The following DAZL variants were observed in gnomAD, a reference collection of about 807,000 sequenced individuals.
The protein encoded by DAZL is deleted in azoospermia like, also known as deleted in azoospermia-like.
Under a neutral mutation model 45.0 loss-of-function variants are expected in DAZL, and 4 were observed. The observed-to-expected ratio is 0.09, with a 90% confidence interval of 0.04 to 0.20. The LOEUF (loss-of-function observed/expected upper bound fraction) is 0.20, where lower values mean the gene tolerates loss of function less well. Ranked by LOEUF, DAZL falls within the 10% of genes least tolerant of loss-of-function variation. DAZL has a pLI of 1.00. For synonymous variants in DAZL, 122 were observed against 112.4 expected, an observed-to-expected ratio of 1.09 and a Z score of -0.54; for missense variants, 326 against 351.3, an observed-to-expected ratio of 0.93 and a Z score of 0.58.
intron 9 of DAZL, 52 bp downstream of exon 9, chr3:16,593,596 CATTATTA>C: frequency 9.1e-7 from 1 of 1,104,480 alleles, no homozygotes; most frequent in Non-Finnish European, 1.3e-6. Context: ...CTCAAAAAAC[CATTATTA>C]AAACTAGAAA....
chr3:16,603,812 C>T (rs1694731411), intron 1 of DAZL, among the ~76,000 whole-genome samples: 1 of 152,106 alleles, frequency 6.6e-6, no homozygotes, highest in Non-Finnish European at 1.5e-5. Context: ...CACGGTGTAA[C>T]TCTTGTAAAA....
Position 16,605,192 on chromosome 3 carries a change from C to A in DAZL, c.3+11G>T. The A allele has an allele frequency of 6.2e-7, 1 of 1,614,196 alleles. No homozygotes were observed. The highest frequency in any genetic ancestry group is 1.1e-5 in the South Asian group (1 of 91,092). On this transcript the variant is annotated intron_variant, in intron 1 of 10. Coordinates refer to ENST00000399444, the MANE Select transcript of DAZL (RefSeq NM_001351.4). The stretch of plus-strand genomic sequence containing the variant: ...GCCAGCCTTGCCCCTCGGGCCTCTC[C>A]CTCAACTCACCATGATGGCGGCAGG...
intron 1 of DAZL, among the ~76,000 whole-genome samples, chr3:16,599,934 T>C (rs1294098969): frequency 6.6e-6 from 1 of 152,192 alleles, no homozygotes; most frequent in East Asian, 1.9e-4. Context: ...TGTGAATTCA[T>C]TTTGTAAAGT....
chr3:16,588,698 G>T lies in DAZL; in HGVS notation c.850C>A (p.His284Asn). 1 of 1,611,466 alleles carries T rather than the reference G, an allele frequency of 6.2e-7. No individual in the cohort carries two copies. The highest frequency in any genetic ancestry group is 1.1e-5 in the South Asian group (1 of 90,994). Residue 284 changes from histidine to asparagine, a missense_variant, in exon 11 of 11, where the codon CAC becomes AAC. This residue lies in a region of DAZL where 227 missense variants were observed against 216.6 expected (regional missense o/e 1.05). Coordinates refer to ENST00000399444, the MANE Select transcript of DAZL (RefSeq NM_001351.4). ...DDYFKDKRVH[H>N]FRRSRAMLKS... ...AGCATTGCCCGACTTCTTCTAAAGT[G>T]ATGCACTCTTTTATCCTGGAAAAGA...
intron 8 of DAZL, among the ~76,000 whole-genome samples, chr3:16,594,043 TATTATATCCTTCAA>T (rs1192621303): frequency 6.6e-6 from 1 of 152,206 alleles, no homozygotes; most frequent in African/African-American, 2.4e-5. Flanking sequence ...TTTTAACACT[TATTATATCCTTCAA>T]ATTTCCAATC....
In DAZL at chr3:16,595,370, G is replaced by A; in HGVS notation, c.514C>T (p.Pro172Ser). 1 of 1,578,100 alleles carries A rather than the reference G, an allele frequency of 6.3e-7. No homozygotes were observed. Among genetic ancestry groups the A allele is most frequent in the Non-Finnish European group, 8.6e-7 (1 of 1,156,074 alleles). ...TQYVQAYPTYPNSPVQVITGY... is the reference protein window; with the variant it reads ...TQYVQAYPTYSNSPVQVITGY... The stretch of plus-strand genomic sequence containing the variant: ...GTGATGACCTGAACTGGTGAATTTG[G>A]GTAAGTAGGATATGCCTGAAAATCA... Residue 172 changes from proline to serine, a missense_variant, in exon 7 of 11, where the codon CCA (proline) becomes TCA (serine). Around this residue, in one of 3 missense-constraint regions of DAZL, gnomAD observed 227 missense variants for 216.6 expected, o/e 1.05. Transcript: ENST00000399444.
chr3:16,602,263 T>A (rs1341697040), intron 1 of DAZL, among the ~76,000 whole-genome samples: 2 of 152,138 alleles, frequency 1.3e-5, no homozygotes, highest in Non-Finnish European at 2.9e-5. Flanking sequence ...ATAAACTCTA[T>A]AGAAATAAAT....
chr3:16,604,925 G>A, intron 1 of DAZL: 5 of 673,480 alleles, frequency 7.4e-6, no homozygotes, highest in East Asian at 5.5e-5. Flanking sequence ...GCCTCAAGAA[G>A]GCCGTGGCCC....
chr3:16,600,302 T>C (rs1467003881), intron 1 of DAZL, among the ~76,000 whole-genome samples: 1 of 152,216 alleles, frequency 6.6e-6, no homozygotes, highest in Admixed American at 6.5e-5. Flanking sequence ...AATTAGATGC[T>C]AGAAGTTACT....
intron 3 of DAZL, 60 bp from the exon 4 acceptor site, chr3:16,597,601 TCTA>T (rs1321258715): frequency 1.1e-5 from 11 of 1,022,464 alleles, no homozygotes; most frequent in Non-Finnish European, 1.6e-5. Context: ...GTTCAGAACT[TCTA>T]CTATATACGG....
At chr3:16,604,334 T>G in intron 1 of DAZL, 6 of 1,058,098 alleles carry the variant, frequency 5.7e-6, no homozygotes, top group Non-Finnish European at 8.3e-6. Flanking sequence ...CAACGCTATC[T>G]ACCAAATGGA....
chr3:16,602,361 C>G (rs755324404), intron 1 of DAZL, among the ~76,000 whole-genome samples: 1 of 152,082 alleles, frequency 6.6e-6, no homozygotes, highest in African/African-American at 2.4e-5. Context: ...ATACCTGGCT[C>G]AGTTTCCGTG....
Position 16,596,834 on chromosome 3 carries a change from C to T in DAZL, c.414G>A (p.Gln138=). The part of the protein sequence containing the change: ...PLVFNHPPPP[Q]FQNVWTNPNT... ...TTGGATTAGTCCAGACATTCTGAAA[C>T]TGTGGTGGAGGAGGATGATTAAAAA... The change falls in exon 6 of 11, where the codon CAG becomes CAA. Residue 138 remains glutamine (Q), a synonymous_variant. Transcript: ENST00000399444. The T allele has an allele frequency of 5.6e-6, 9 of 1,613,858 alleles. No homozygotes were observed. Among genetic ancestry groups the T allele is most frequent in the Non-Finnish European group, 7.6e-6 (9 of 1,179,788 alleles).
chr3:16,597,600 T>A, intron 3 of DAZL, 59 bp from the exon 4 acceptor site: 2 of 1,019,300 alleles, frequency 2.0e-6, no homozygotes, highest in Admixed American at 3.4e-5. Flanking sequence ...GGTTCAGAAC[T>A]TCTACTATAT....
intron 1 of DAZL, 117 bp downstream of exon 1, chr3:16,605,086 G>A (rs924875785): frequency 9.0e-5 from 119 of 1,324,740 alleles, no homozygotes; most frequent in Admixed American, 4.7e-4. Flanking sequence ...GTCCAGGCAG[G>A]TGCCCCCCAA....
At chr3:16,604,997 G>A (rs181380509) in intron 1 of DAZL, among the ~76,000 whole-genome samples, 106 of 152,360 alleles carry the variant, frequency 7.0e-4, no homozygotes, top group Non-Finnish European at 1.1e-3. Flanking sequence ...CGCCCTTGGC[G>A]TCCCGCGCCT....
intron 7 of DAZL, among the ~76,000 whole-genome samples, chr3:16,595,032 T>C (rs1694577206): frequency 6.8e-6 from 1 of 148,078 alleles, no homozygotes. Flanking sequence ...GTTTCGGCTA[T>C]TTGACAGCAA....
At chr3:16,592,397 C>T (rs776232057) in intron 9 of DAZL, among the ~76,000 whole-genome samples, 22 of 151,864 alleles carry the variant, frequency 1.4e-4, no homozygotes, top group Non-Finnish European at 3.1e-4. Flanking sequence ...GAAACCCCAT[C>T]TCTACTAAAA....
chr3:16,599,852 G>A (rs529332206), intron 1 of DAZL, among the ~76,000 whole-genome samples: 1 of 152,252 alleles, frequency 6.6e-6, no homozygotes, highest in South Asian at 2.1e-4. Context: ...ACAGGTAAGT[G>A]GTTACAAGCC....
Sources: allele counts gnomAD v4.1 joint callset (sites outside exome capture counted in the v4.1 genomes callset), GRCh38; gene constraint gnomAD v4.1.1; regional missense constraint gnomAD v4.1.1; transcripts MANE v1.5; gene names NCBI Gene and HGNC (gene_info 2026-07-23, HGNC 2026-07-21).